Variants in HECTD3 observed in about 807,000 individuals in gnomAD.
HECTD3 encodes the protein E3 ubiquitin-protein ligase HECTD3.
HECTD3 carries 72 observed loss-of-function variants against 109.3 expected under a neutral mutation model. The observed-to-expected ratio is 0.66, with a 90% CI of 0.54 to 0.80. The LOEUF is 0.80. Ranked by LOEUF, HECTD3 falls within the 30% of genes least tolerant of loss-of-function variation. The pLI is 0.00. For missense variants in HECTD3, 1,041 were observed against 1,165.2 expected, an observed-to-expected ratio of 0.89 and a Z score of 1.55; for synonymous variants, 481 against 471.8, an observed-to-expected ratio of 1.02 and a Z score of -0.25.
intron 11 of HECTD3, 65 bp downstream of exon 11, chr1:45,007,151 TGTG>T: frequency 7.1e-7 from 1 of 1,414,540 alleles, no homozygotes; most frequent in African/African-American, 1.4e-5. Context: ...TGTGTGTGTG[TGTG>T]TGTTTGTGTG....
At chr1:45,005,293 C>T (rs1644725604) in intron 15 of HECTD3, 1 of 211,058 alleles carries the variant, frequency 4.7e-6, no homozygotes. Flanking sequence ...AGAACGGAGA[C>T]AGGGACACCA....
At position 45,003,273 on chromosome 1, in the gene HECTD3, G is replaced by A. The variant is rs1644705825; in HGVS notation, c.*219C>T. 1.8e-6 allele frequency: 1 copy of A among 568,752 alleles called. No individual in the cohort carries two copies. Among genetic ancestry groups the A allele is most frequent in the South Asian group, 2.1e-5 (1 of 47,632 alleles). The allele number at this position is 568,752 out of a possible 1,614,324, so 35.2% of individuals were successfully genotyped here. A position where few individuals can be genotyped will look rare whatever the true frequency, so the allele number is the denominator to read the frequency against. ...CTTAAGAGGTGAAATACCTCGGGAA[G>A]CAAGCCCCAGCACGGGTAGGGCTTG... is the stretch of plus-strand genomic sequence containing the variant. On this transcript the variant is annotated 3_prime_UTR_variant, in exon 21 of 21. Transcript: ENST00000372172. The surrounding 1 kb of genome is among the most constrained non-coding windows in gnomAD (Gnocchi z 4.7).
chr1:45,005,933 TTGGC>T, intron 14 of HECTD3, 50 bp from the exon 15 acceptor site: 1 of 1,606,132 alleles, frequency 6.2e-7, no homozygotes, highest in South Asian at 1.1e-5. Flanking sequence ...CTGCCCAGGT[TTGGC>T]TGGCCTTTCC....
In HECTD3 at chr1:45,006,115, C is replaced by G. The variant is rs1644733236; in HGVS notation, c.1727G>C (p.Gly576Ala). 6.2e-7 allele frequency: 1 copy of G among 1,613,442 alleles called. No homozygotes were observed. Among genetic ancestry groups the G allele is most frequent in the African/African-American group, 1.3e-5 (1 of 74,920 alleles). The change falls in exon 14 of 21, where the codon GGC becomes GCC. Residue 576 changes from glycine (G) to alanine (A), a missense_variant and splice_region_variant. By Grantham distance (60) the Gly-to-Ala change is moderately conservative. Coordinates refer to ENST00000372172, the MANE Select transcript of HECTD3 (RefSeq NM_024602.6). This position sits in a 1 kb window ranked among gnomAD's most constrained non-coding sequence, Gnocchi z 4.7. Reference sequence around the variant, plus strand: ...GTCCCGAGCCTCACCAGTGCCATTGCCCTGCCCCAGAGACAGAGCTGTGAG... The same window carrying G: ...GTCCCGAGCCTCACCAGTGCCATTGGCCTGCCCCAGAGACAGAGCTGTGAG... ...LPFFVRTANQ[G>A]NGTGEARDMY...
At position 45,003,761 on chromosome 1, in the gene HECTD3, T is replaced by C. The variant is rs533262732; in HGVS notation, c.2430-21A>G. ...CGTAGCTGGGGGCATTGAGGGACCA[T>C]AGGTCAGGAAGATGTGTTGGGGCAC... On this transcript the variant is annotated intron_variant, in intron 19 of 20. Transcript: ENST00000372172. The surrounding 1 kb of genome is among the most constrained non-coding windows in gnomAD (Gnocchi z 4.7). 11 of 1,613,576 alleles carry C rather than the reference T, an allele frequency of 6.8e-6. No individual in the cohort carries two copies. The highest frequency in any genetic ancestry group is 4.0e-5 in the African/African-American group (3 of 74,952).
chr1:45,004,185 C>T (rs1481792409), intron 17 of HECTD3, 51 bp from the exon 18 acceptor site: 6 of 1,614,138 alleles, frequency 3.7e-6, no homozygotes, highest in Admixed American at 1.7e-5. Flanking sequence ...TTGCCCAGTC[C>T]TTGAGCCCCA....
chr1:45,007,392 C>A, intron 10 of HECTD3, 21 bp downstream of exon 10: 1 of 1,613,164 alleles, frequency 6.2e-7, no homozygotes, highest in South Asian at 1.1e-5. Flanking sequence ...CTATCTCAGT[C>A]GGACCCTAGG....
At chr1:45,010,742 G>C (rs201979327) in intron 1 of HECTD3, 36 bp from the exon 2 acceptor site, 1 of 1,523,854 alleles carries the variant, frequency 6.6e-7, no homozygotes, top group South Asian at 1.3e-5. Flanking sequence ...AGCCGTCAGG[G>C]AACTGCCCAG....
At chr1:45,004,551 G>A in intron 16 of HECTD3, 49 bp downstream of exon 16, 1 of 1,607,246 alleles carries the variant, frequency 6.2e-7, no homozygotes, top group Non-Finnish European at 8.5e-7. Flanking sequence ...CAGGAGCTGG[G>A]GCTCAGGAGG....
chr1:45,008,784 C>A (rs1462588755), intron 7 of HECTD3, 83 bp from the exon 8 acceptor site: 2 of 1,365,886 alleles, frequency 1.5e-6, no homozygotes, highest in Non-Finnish European at 2.1e-6. Flanking sequence ...TCCTTGAACG[C>A]TCAGCCTTGT....
At chr1:45,008,482 C>A in intron 8 of HECTD3, 54 bp downstream of exon 8, 1 of 1,587,552 alleles carries the variant, frequency 6.3e-7, no homozygotes, top group South Asian at 1.1e-5. Context: ...TGCAGACACA[C>A]AAGGCTCAAT....
At position 45,010,963 on chromosome 1, in the gene HECTD3, G is replaced by A. The variant is rs964507158; in HGVS notation, c.295C>T (p.Arg99Trp). The change falls in exon 1 of 21, where the codon CGG becomes TGG. Residue 99 changes from arginine (R) to tryptophan (W), a missense_variant. Arg to Trp is a moderately radical substitution (Grantham distance 101). This residue lies in a region of HECTD3 where 472 missense variants were observed against 449.9 expected (regional missense o/e 1.05). Transcript: ENST00000372172. ...LRAARDSIEL[R>W]RGACVRTTGE... ...GTGGTGCGCACGCAGGCGCCGCGCCGGAGCTCAATGCTGTCGCGGGCGGCG... is the reference window on the plus strand; with the variant it reads ...GTGGTGCGCACGCAGGCGCCGCGCCAGAGCTCAATGCTGTCGCGGGCGGCG... The A allele has an allele frequency of 3.3e-6, 5 of 1,532,756 alleles. No individual in the cohort carries two copies. The highest frequency in any genetic ancestry group is 2.4e-5 in the South Asian group (2 of 83,008). 94.9% of individuals were successfully genotyped at this position (1,532,756 alleles called of 1,614,324 possible).
chr1:45,008,818 C>T (rs1240359615), intron 7 of HECTD3, 117 bp from the exon 8 acceptor site: 5 of 868,904 alleles, frequency 5.8e-6, no homozygotes, highest in South Asian at 3.1e-5. Flanking sequence ...CCTAGAAACT[C>T]GGGACCTTCG....
chr1:45,010,051 T>A lies in HECTD3; in HGVS notation c.694A>T (p.Lys232Ter), dbSNP rs761611366. The change falls in exon 4 of 21, where the codon AAG becomes TAG. Residue 232 changes from lysine to a stop codon, truncating the protein, a stop_gained. Coordinates refer to ENST00000372172, the MANE Select transcript of HECTD3 (RefSeq NM_024602.6). LOFTEE classifies it high-confidence loss of function. ...ACGCTACCCAGGTTCTCATCCTCCT[T>A]GCCCAGGTGGTCATACAAGAAGTGG... is the stretch of plus-strand genomic sequence containing the variant. ...LIHFLYDHLG[K>*]EDENLGSVKQ... The A allele has an allele frequency of 6.4e-7, 1 of 1,568,656 alleles. No individual in the cohort carries two copies. Among genetic ancestry groups the A allele is most frequent in the Non-Finnish European group, 8.7e-7 (1 of 1,153,626 alleles).
chr1:45,004,529 T>C, intron 16 of HECTD3, 71 bp downstream of exon 16: 1 of 1,597,664 alleles, frequency 6.3e-7, no homozygotes, highest in Non-Finnish European at 8.6e-7. Flanking sequence ...TTACAGGCTG[T>C]GTTCTGGGTC....
chr1:45,003,949 G>A lies in HECTD3; in HGVS notation c.2348-13C>T, dbSNP rs1448657562. Reference sequence around the variant, plus strand: ...CGGCTCCGGTCCTCTGGAGGGAGAAGGAAATCAGTGCCTGCATGGATGGTG... The same window carrying A: ...CGGCTCCGGTCCTCTGGAGGGAGAAAGAAATCAGTGCCTGCATGGATGGTG... On this transcript the variant is annotated splice_polypyrimidine_tract_variant and intron_variant, in intron 18 of 20. Transcript: ENST00000372172. The surrounding 1 kb of genome is among the most constrained non-coding windows in gnomAD (Gnocchi z 4.7). The A allele has an allele frequency of 6.2e-7, 1 of 1,613,270 alleles. No individual in the cohort carries two copies. The highest frequency in any genetic ancestry group is 1.1e-5 in the South Asian group (1 of 90,956).
chr1:45,008,725 G>T, intron 7 of HECTD3, 24 bp from the exon 8 acceptor site: 1 of 1,602,536 alleles, frequency 6.2e-7, no homozygotes, highest in Non-Finnish European at 8.5e-7. Flanking sequence ...TCAGAGTAAG[G>T]TCATTTACAG....
chr1:45,009,456 G>C lies in HECTD3; in HGVS notation c.902C>G (p.Thr301Arg). The change falls in exon 6 of 21, where the codon ACA becomes AGA. Residue 301 changes from threonine (T) to arginine (R), a missense_variant. Transcript: ENST00000372172. Reference protein sequence around the residue: ...VKKLLLTVDTTDDNFMPKRVV... With the variant: ...VKKLLLTVDTRDDNFMPKRVV... ...CCGCTTTGGCATAAAGTTGTCATCT[G>C]TGGTATCCACTGTGAGTAGCAGCTT... is the stretch of plus-strand genomic sequence containing the variant. 4 of 1,614,064 alleles carry C rather than the reference G, an allele frequency of 2.5e-6. No individual in the cohort carries two copies. The highest frequency in any genetic ancestry group is 3.4e-6 in the Non-Finnish European group (4 of 1,179,916).
chr1:45,006,556 C>A lies in HECTD3; in HGVS notation c.1725+136G>T. ...TGACCTCGTGATCTGCCCGCCTCGG[C>A]TTCCCAAAGTGCTGGGATTACAGGC... On this transcript the variant is annotated intron_variant, in intron 13 of 20. Coordinates refer to ENST00000372172, the MANE Select transcript of HECTD3 (RefSeq NM_024602.6). This position sits in a 1 kb window ranked among gnomAD's most constrained non-coding sequence, Gnocchi z 4.7. 1 of 696,704 alleles carries A rather than the reference C, an allele frequency of 1.4e-6. No individual in the cohort carries two copies. Among genetic ancestry groups the A allele is most frequent in the Non-Finnish European group, 2.4e-6 (1 of 417,924 alleles). 43.2% of individuals were successfully genotyped at this position (696,704 alleles called of 1,614,324 possible). A position where few individuals can be genotyped will look rare whatever the true frequency, so the allele number is the denominator to read the frequency against.
Sources: gnomAD v4.1 joint callset for allele counts on GRCh38, gnomAD v4.1.1 for gene constraint, gnomAD v4.1.1 regional missense constraint, Gnocchi (gnomAD v3.1) non-coding constraint, MANE v1.5 for transcripts, NCBI Gene and HGNC (gene_info 2026-07-23, HGNC 2026-07-21) for gene names.